The following CADM2 variants were observed in gnomAD, a reference collection of about 807,000 sequenced individuals.
CADM2 encodes cell adhesion molecule 2.
In CADM2, 12 loss-of-function variants were observed where a neutral mutation model predicts 49.8. The ratio of observed to expected loss-of-function variants is 0.24; its 90% CI spans 0.15 to 0.39. CADM2 has a LOEUF of 0.39. Ranked by LOEUF, CADM2 falls within the 10% of genes least tolerant of loss-of-function variation. CADM2 has a pLI of 1.00. For synonymous variants in CADM2, 214 were observed against 175.4 expected, an observed-to-expected ratio of 1.22 and a Z score of -1.74; for missense variants, 378 against 492.3, an observed-to-expected ratio of 0.77 and a Z score of 2.20.
chr3:85,205,367 C>A (rs185063973), intron 1 of CADM2, among the ~76,000 whole-genome samples: 1 of 152,016 alleles, frequency 6.6e-6, no homozygotes, highest in Admixed American at 6.6e-5. Context: ...GTTTAAATTA[C>A]AGATATCTTT....
At chr3:85,107,500 C>G (rs1272613600) in intron 1 of CADM2, among the ~76,000 whole-genome samples, 1 of 152,092 alleles carries the variant, frequency 6.6e-6, no homozygotes, top group Non-Finnish European at 1.5e-5. Flanking sequence ...GTCCCTTAAG[C>G]ATTGCTGATA....
intron 8 of CADM2, among the ~76,000 whole-genome samples, chr3:85,988,953 C>T (rs1728448804): frequency 6.6e-6 from 1 of 152,150 alleles, no homozygotes; most frequent in Admixed American, 6.5e-5. Context: ...TTTTCAAAAA[C>T]ATTTAAACCA....
intron 3 of CADM2, among the ~76,000 whole-genome samples, chr3:85,872,378 A>G (rs934007947): frequency 2.0e-5 from 3 of 152,298 alleles, no homozygotes; most frequent in Non-Finnish European, 4.4e-5. Flanking sequence ...TATTTAATAA[A>G]ACACAATGTG....
At chr3:85,932,883 A>C (rs2108531376) in intron 6 of CADM2, among the ~76,000 whole-genome samples, 1 of 152,208 alleles carries the variant, frequency 6.6e-6, no homozygotes. Flanking sequence ...GTTATTCCTG[A>C]GAGTTGTATG....
intron 1 of CADM2, among the ~76,000 whole-genome samples, chr3:85,407,068 G>T (rs1382686825): frequency 6.6e-6 from 1 of 151,988 alleles, no homozygotes; most frequent in Non-Finnish European, 1.5e-5. Flanking sequence ...CAGGTGTGGT[G>T]GTGCATGTGT....
At chr3:85,735,471 G>A (rs2068096788) in intron 2 of CADM2, among the ~76,000 whole-genome samples, 1 of 152,136 alleles carries the variant, frequency 6.6e-6, no homozygotes, top group Non-Finnish European at 1.5e-5. Context: ...GGTCATGTAA[G>A]GATTTTTGGT....
intron 1 of CADM2, among the ~76,000 whole-genome samples, chr3:85,485,001 C>A (rs73843632): frequency 0.011 from 1,712 of 151,916 alleles, 38 homozygotes; most frequent in African/African-American, 0.039. Flanking sequence ...AAAACAGTGA[C>A]ACTTAAAGAA....
chr3:85,260,983 G>A (rs1331990091), intron 1 of CADM2, among the ~76,000 whole-genome samples: 1 of 152,038 alleles, frequency 6.6e-6, no homozygotes, highest in Non-Finnish European at 1.5e-5. Context: ...TAACTGGAAA[G>A]AATAGTTGTG....
chr3:85,522,405 A>C (rs1465889897), intron 1 of CADM2, among the ~76,000 whole-genome samples: 1 of 152,172 alleles, frequency 6.6e-6, no homozygotes, highest in Non-Finnish European at 1.5e-5. Context: ...AGTTCGTCCC[A>C]CAAAGTCGAT....
chr3:85,910,070 T>C (rs1404756117), intron 5 of CADM2, among the ~76,000 whole-genome samples: 1 of 152,182 alleles, frequency 6.6e-6, no homozygotes, highest in Non-Finnish European at 1.5e-5. Context: ...ATTTTATGAT[T>C]TATACAATTG....
chr3:85,125,229 C>T (rs1448429463), intron 1 of CADM2, among the ~76,000 whole-genome samples: 3 of 152,010 alleles, frequency 2.0e-5, no homozygotes, highest in Non-Finnish European at 2.9e-5. Flanking sequence ...GAGGAGAACA[C>T]GGTAAACCAA....
chr3:85,268,492 A>G (rs1487606193), intron 1 of CADM2, among the ~76,000 whole-genome samples: 1 of 151,448 alleles, frequency 6.6e-6, no homozygotes, highest in African/African-American at 2.4e-5. Flanking sequence ...TTGTCCACAA[A>G]TTAGTATTTG....
intron 1 of CADM2, among the ~76,000 whole-genome samples, chr3:85,632,071 C>T (rs1402337125): frequency 2.6e-5 from 4 of 152,098 alleles, no homozygotes; most frequent in Non-Finnish European, 5.9e-5. Context: ...CAAATCTCAT[C>T]TTGTAGCTCC....
chr3:85,625,524 T>C (rs1296113419), intron 1 of CADM2, among the ~76,000 whole-genome samples: 1 of 151,828 alleles, frequency 6.6e-6, no homozygotes, highest in East Asian at 1.9e-4. Flanking sequence ...TGTAGATTTA[T>C]TGAAAAAAGT....
Position 86,014,931 on chromosome 3 carries a change from A to G in CADM2, c.971-50674A>G, listed in dbSNP as rs934782019. 2.7e-6 allele frequency: 4 copies of G among 1,497,904 alleles called. No homozygotes were observed. In the African/African-American group the frequency reaches 5.5e-5, roughly 21 times the overall value. 92.8% of individuals were successfully genotyped at this position (1,497,904 alleles called of 1,614,324 possible). ...GACGGTTGAGAATGAGTGGTATGAA[A>G]ATGGACGAAAGCGTCTTAAAGCATA... On this transcript the variant is annotated intron_variant, in intron 8 of 9. Coordinates refer to ENST00000383699, the MANE Select transcript of CADM2 (RefSeq NM_001167675.2).
At chr3:85,464,871 C>T (rs1417775822) in intron 1 of CADM2, among the ~76,000 whole-genome samples, 1 of 152,154 alleles carries the variant, frequency 6.6e-6, no homozygotes, top group African/African-American at 2.4e-5. Flanking sequence ...ATACTTTTGG[C>T]CAAGCTCAGT....
chr3:85,021,435 A>G (rs1463685864), intron 1 of CADM2, among the ~76,000 whole-genome samples: 1 of 150,998 alleles, frequency 6.6e-6, no homozygotes, highest in Non-Finnish European at 1.5e-5. Context: ...GCTTATTCAA[A>G]TATGCCTAGA....
chr3:85,455,545 G>T (rs1284024685), intron 1 of CADM2, among the ~76,000 whole-genome samples: 1 of 152,138 alleles, frequency 6.6e-6, no homozygotes, highest in Non-Finnish European at 1.5e-5. Context: ...TTGATAGCAT[G>T]GGAAAAATAT....
Position 85,503,084 on chromosome 3 carries a change from C to A in CADM2, c.62-223438C>A, listed in dbSNP as rs1276242446. ...TTGAAATGGTAGCCACACATACTTA[C>A]ATATACTCCTAACATAAAGTTTTAC... On this transcript the variant is annotated intron_variant, in intron 1 of 9. Coordinates refer to ENST00000383699, the MANE Select transcript of CADM2 (RefSeq NM_001167675.2). Among the ~76,000 whole-genome samples, 3 of 42,338 alleles carry A rather than the reference C, an allele frequency of 7.1e-5. No individual in the cohort carries two copies. In the East Asian group the frequency reaches 0.021, roughly 302 times the overall value. 27.8% of individuals were successfully genotyped at this position (42,338 alleles called of 152,430 possible).
Sources: allele counts gnomAD v4.1 joint callset (sites outside exome capture counted in the v4.1 genomes callset), GRCh38; gene constraint gnomAD v4.1.1; transcripts MANE v1.5; gene names NCBI Gene and HGNC (gene_info 2026-07-23, HGNC 2026-07-21).